The following CCSER1 variants were observed in gnomAD, a reference collection of about 807,000 sequenced individuals.
CCSER1 encodes coiled-coil serine rich protein 1.
CCSER1 carries 41 observed loss-of-function variants against 82.0 expected under a neutral mutation model. That is an observed-to-expected ratio of 0.50 (90% CI 0.39 to 0.65). The LOEUF is 0.65. Among genes scored for constraint, CCSER1 ranks in the 30% least tolerant of loss-of-function variants. The pLI, the probability that CCSER1 is intolerant of heterozygous loss-of-function variation, is 0.00. For synonymous variants in CCSER1, 414 were observed against 383.9 expected (o/e 1.08, Z -0.92); for missense variants, 1,119 against 1,064.2 (o/e 1.05, Z -0.72).
At chr4:90,148,976 T>G (rs556767633) in intron 1 of CCSER1, among the ~76,000 whole-genome samples, 1 of 152,252 alleles carries the variant, frequency 6.6e-6, no homozygotes, top group South Asian at 2.1e-4. Flanking sequence ...ACATGCATTT[T>G]AGAATATGAA....
intron 10 of CCSER1, among the ~76,000 whole-genome samples, chr4:91,294,686 G>T (rs923086758): frequency 1.3e-5 from 2 of 151,624 alleles, no homozygotes; most frequent in Non-Finnish European, 2.9e-5. Flanking sequence ...CCCTGTTTCC[G>T]CATGGCTCTT....
At chr4:91,312,530 T>C (rs1303940327) in intron 10 of CCSER1, among the ~76,000 whole-genome samples, 1 of 151,840 alleles carries the variant, frequency 6.6e-6, no homozygotes, top group Non-Finnish European at 1.5e-5. Context: ...AAATAGTGTT[T>C]TTCAAATACC....
chr4:91,191,805 G>A (rs1735015778), intron 10 of CCSER1, among the ~76,000 whole-genome samples: 1 of 152,150 alleles, frequency 6.6e-6, no homozygotes, highest in Non-Finnish European at 1.5e-5. Context: ...GGTGTGCGTG[G>A]CCCTGAACTG....
intron 10 of CCSER1, among the ~76,000 whole-genome samples, chr4:91,261,854 C>A (rs1313252612): frequency 2.0e-5 from 3 of 151,966 alleles, no homozygotes; most frequent in Non-Finnish European, 4.4e-5. Context: ...TACATATGTC[C>A]ATTTTTTGTA....
intron 7 of CCSER1, among the ~76,000 whole-genome samples, chr4:90,810,569 T>C (rs1184447727): frequency 6.6e-6 from 1 of 151,666 alleles, no homozygotes; most frequent in Non-Finnish European, 1.5e-5. Flanking sequence ...GAATTGAACC[T>C]GGGAGGCAGA....
intron 10 of CCSER1, among the ~76,000 whole-genome samples, chr4:91,225,018 A>C (rs1314569764): frequency 6.6e-6 from 1 of 150,618 alleles, no homozygotes; most frequent in Non-Finnish European, 1.5e-5. Context: ...ATATCAAATC[A>C]ATATTTTAAA....
intron 8 of CCSER1, among the ~76,000 whole-genome samples, chr4:90,832,563 A>C (rs1400803287): frequency 1.3e-5 from 2 of 152,110 alleles, no homozygotes; most frequent in Non-Finnish European, 2.9e-5. Context: ...GAGATCCATA[A>C]AAAAATAAAA....
intron 10 of CCSER1, among the ~76,000 whole-genome samples, chr4:91,473,416 G>T (rs1250034930): frequency 2.0e-5 from 3 of 151,990 alleles, no homozygotes; most frequent in Non-Finnish European, 4.4e-5. Flanking sequence ...ATCAAGTACT[G>T]GTCTCGTTAG....
At chr4:90,311,512 T>G (rs1258202847) in intron 2 of CCSER1, among the ~76,000 whole-genome samples, 3 of 152,184 alleles carry the variant, frequency 2.0e-5, no homozygotes, top group Non-Finnish European at 2.9e-5. Flanking sequence ...CATGTGCTAT[T>G]TATAAGGATT....
At position 91,275,076 on chromosome 4, in the gene CCSER1, A is replaced by G. The variant is rs928611814; in HGVS notation, c.2217+189082A>G. Among the ~76,000 whole-genome samples the G allele has an allele frequency of 3.9e-5, 6 of 152,168 alleles. No individual in the cohort carries two copies. The South Asian group carries it at 1.2e-3, about 32-fold the overall frequency. On this transcript the variant is annotated intron_variant, in intron 10 of 10. Coordinates refer to ENST00000509176, the MANE Select transcript of CCSER1 (RefSeq NM_001145065.2). ...AGCCGAGATCGCGCCACTGCACTCC[A>G]GCCTGGGTGACAGAGCGAGACTCCG...
At chr4:90,478,860 C>T in intron 5 of CCSER1, among the ~76,000 whole-genome samples, 1 of 151,660 alleles carries the variant, frequency 6.6e-6, no homozygotes. Flanking sequence ...CCTGCCTCAG[C>T]CTACTGAGTA....
intron 10 of CCSER1, among the ~76,000 whole-genome samples, chr4:91,423,207 C>T (rs1054201627): frequency 2.0e-5 from 3 of 151,492 alleles, no homozygotes; most frequent in Non-Finnish European, 2.9e-5. Flanking sequence ...GGGCAGATCA[C>T]CTGAGGTCAG....
chr4:91,134,934 C>G (rs550843539), intron 10 of CCSER1, among the ~76,000 whole-genome samples: 18 of 152,132 alleles, frequency 1.2e-4, no homozygotes, highest in African/African-American at 4.3e-4. Flanking sequence ...GTGGCGCATG[C>G]TTGTAGTCCC....
chr4:90,590,514 A>C (rs1782560164), intron 5 of CCSER1, among the ~76,000 whole-genome samples: 1 of 151,972 alleles, frequency 6.6e-6, no homozygotes, highest in Admixed American at 6.6e-5. Context: ...CAGGAGGCAG[A>C]GGTTGCAAAG....
intron 1 of CCSER1, among the ~76,000 whole-genome samples, chr4:90,145,865 A>G (rs1471407945): frequency 6.6e-6 from 1 of 152,134 alleles, no homozygotes; most frequent in Non-Finnish European, 1.5e-5. Context: ...GAATTTTCAT[A>G]TAATGCTGAT....
intron 10 of CCSER1, among the ~76,000 whole-genome samples, chr4:91,316,743 C>T (rs1745861152): frequency 6.6e-6 from 1 of 151,966 alleles, no homozygotes; most frequent in Non-Finnish European, 1.5e-5. Context: ...ACAGTGTGAT[C>T]TTTTAAAGTG....
intron 1 of CCSER1, among the ~76,000 whole-genome samples, chr4:90,294,313 C>A (rs1052217527): frequency 6.6e-6 from 1 of 151,872 alleles, no homozygotes; most frequent in African/African-American, 2.4e-5. Flanking sequence ...GGATTTGAGA[C>A]CTGCCTGGGC....
chr4:90,278,738 C>T (rs1053393749), intron 1 of CCSER1, among the ~76,000 whole-genome samples: 3 of 152,004 alleles, frequency 2.0e-5, no homozygotes, highest in African/African-American at 7.2e-5. Context: ...TGCTCACTAC[C>T]TGGGTCACAG....
intron 1 of CCSER1, among the ~76,000 whole-genome samples, chr4:90,255,760 T>C (rs747115290): frequency 6.6e-6 from 1 of 152,124 alleles, no homozygotes; most frequent in Non-Finnish European, 1.5e-5. Context: ...GCAAGAGAAG[T>C]CTTTATAGAA....
Sources: allele counts gnomAD v4.1 joint callset (sites outside exome capture counted in the v4.1 genomes callset), GRCh38; gene constraint gnomAD v4.1.1; transcripts MANE v1.5; gene names NCBI Gene and HGNC (gene_info 2026-07-23, HGNC 2026-07-21).